DNAAF11: variants seen among roughly 807,000 people sequenced by gnomAD.
DNAAF11 encodes the protein dynein axonemal assembly factor 11.
Under a neutral mutation model 60.8 loss-of-function variants are expected in DNAAF11, and 45 were observed. The ratio of observed to expected loss-of-function variants is 0.74; its 90% CI spans 0.58 to 0.95. DNAAF11 has a LOEUF of 0.95. Ranked by LOEUF, DNAAF11 falls within the 40% of genes least tolerant of loss-of-function variation. The probability of loss-of-function intolerance (pLI) is 0.00; values close to 1 mark genes in which losing one functional copy is unlikely to be tolerated. For synonymous variants in DNAAF11, 191 were observed against 183.5 expected (o/e 1.04, Z -0.33); for missense variants, 546 against 546.2 (o/e 1.00, Z 0.00).
At chr8:132,678,778 T>G (rs1249468373), upstream of DNAAF11, among the ~76,000 whole-genome samples, 2 of 150,662 alleles carry the variant, frequency 1.3e-5, no homozygotes, top group Non-Finnish European at 3.0e-5. Context: ...TTATTAATAT[T>G]TATAAGAATT....
chr8:132,700,478 G>A, the DNAAF11 span, among the ~76,000 whole-genome samples: 1 of 151,088 alleles, frequency 6.6e-6, no homozygotes, highest in Admixed American at 6.6e-5. Context: ...TTGTGGCCAG[G>A]AGTTGAAGAC....
intron 10 of DNAAF11, among the ~76,000 whole-genome samples, chr8:132,590,050 C>T (rs1586498385): frequency 6.6e-6 from 1 of 152,174 alleles, no homozygotes; most frequent in South Asian, 2.1e-4. Flanking sequence ...AGGTGCTGAA[C>T]CTGTTTGTCC....
At chr8:132,586,448 C>A (rs1815903058) in intron 10 of DNAAF11, among the ~76,000 whole-genome samples, 1 of 152,186 alleles carries the variant, frequency 6.6e-6, no homozygotes, top group African/African-American at 2.4e-5. Flanking sequence ...GAGATAGGAA[C>A]ATAACCACAG....
intron 8 of DNAAF11, among the ~76,000 whole-genome samples, chr8:132,612,724 C>T (rs992939625): frequency 3.9e-5 from 6 of 152,134 alleles, no homozygotes; most frequent in African/African-American, 1.4e-4. Context: ...TCTATAGATG[C>T]TTGTTGAATA....
intron 5 of DNAAF11, 103 bp from the exon 6 acceptor site, chr8:132,625,557 T>C: frequency 1.1e-6 from 1 of 875,296 alleles, no homozygotes; most frequent in South Asian, 2.2e-5. Context: ...TGTGATCTTC[T>C]TACCTTTGAA....
chr8:132,595,251 T>C (rs114079821), intron 10 of DNAAF11, among the ~76,000 whole-genome samples: 1 of 148,936 alleles, frequency 6.7e-6, no homozygotes, highest in Non-Finnish European at 1.5e-5. Flanking sequence ...CAGAAACTTA[T>C]TGGAACCTTC....
At chr8:132,657,619 A>G (rs1378550578) in intron 2 of DNAAF11, among the ~76,000 whole-genome samples, 1 of 152,204 alleles carries the variant, frequency 6.6e-6, no homozygotes. Flanking sequence ...CTTATTTAAT[A>G]AACATGAAAG....
At chr8:132,692,147 G>A in the DNAAF11 span, among the ~76,000 whole-genome samples, 5 of 151,720 alleles carry the variant, frequency 3.3e-5, no homozygotes, top group Admixed American at 6.6e-5. Context: ...ACTGTTTTAC[G>A]GAAGTAGTGA....
intron 3 of DNAAF11, among the ~76,000 whole-genome samples, chr8:132,648,585 T>A (rs1822649459): frequency 6.6e-6 from 1 of 152,220 alleles, no homozygotes; most frequent in South Asian, 2.1e-4. Context: ...TGTGTGCAGA[T>A]GACATGATTG....
chr8:132,636,920 AAACGTCCTTTGAG>A (rs1821357195), intron 4 of DNAAF11, among the ~76,000 whole-genome samples: 1 of 152,228 alleles, frequency 6.6e-6, no homozygotes, highest in Non-Finnish European at 1.5e-5. Context: ...TCTAAGAAAC[AAACGTCCTTTGAG>A]AACTGAAAAA....
At chr8:132,693,448 AGTGTGTGTGT>A in the DNAAF11 span, among the ~76,000 whole-genome samples, 1 of 148,472 alleles carries the variant, frequency 6.7e-6, no homozygotes, top group African/African-American at 2.5e-5. Context: ...AATGTATGTG[AGTGTGTGTGT>A]GTGTGTGTGT....
Position 132,584,950 on chromosome 8 carries a change from AC to A in DNAAF11, c.1141-1172del, listed in dbSNP as rs371008373. Among the ~76,000 whole-genome samples, 603 of 152,314 alleles carry A rather than the reference AC, an allele frequency of 4.0e-3. 11 individuals carry two copies. Among genetic ancestry groups the A allele is most frequent in the African/African-American group, 0.014 (582 of 41,564 alleles). ...CATTGGGAGTCCCAATTTAGCCTTA[AC>A]ACTAAGCCACATTCTCCTATCTAAG... On this transcript the variant is annotated intron_variant, in intron 10 of 11. Transcript: ENST00000620350.
chr8:132,699,699 C>T, the DNAAF11 span, among the ~76,000 whole-genome samples: 8 of 152,004 alleles, frequency 5.3e-5, no homozygotes, highest in Non-Finnish European at 1.2e-4. Context: ...ACCCAAACAT[C>T]CACCAGTGGA....
intron 7 of DNAAF11, among the ~76,000 whole-genome samples, chr8:132,622,234 G>A (rs1019127633): frequency 5.3e-5 from 8 of 152,174 alleles, no homozygotes; most frequent in East Asian, 1.9e-4. Context: ...TAAAGTAGAT[G>A]TATAGAAGGT....
chr8:132,624,018 C>T (rs1426172773), intron 6 of DNAAF11, among the ~76,000 whole-genome samples: 6 of 152,102 alleles, frequency 3.9e-5, no homozygotes, highest in Non-Finnish European at 8.8e-5. Context: ...TTCAGCCTTA[C>T]TTTATTAGGT....
intron 3 of DNAAF11, among the ~76,000 whole-genome samples, chr8:132,649,685 AC>A (rs1424929582): frequency 7.9e-5 from 12 of 152,110 alleles, no homozygotes; most frequent in Admixed American, 7.9e-4. Context: ...AAATCAAATA[AC>A]CCCATCAACA....
chr8:132,588,579 GA>G (rs200393685), intron 10 of DNAAF11, among the ~76,000 whole-genome samples: 1,609 of 152,136 alleles, frequency 0.011, 31 homozygotes, highest in African/African-American at 0.037. Flanking sequence ...AAAATACATT[GA>G]AAAAAAGTAG....
the DNAAF11 span, among the ~76,000 whole-genome samples, chr8:132,699,476 A>C: frequency 6.6e-6 from 1 of 152,206 alleles, no homozygotes; most frequent in South Asian, 2.1e-4. Context: ...TGTCAGCTTT[A>C]GAGAGATCAC....
chr8:132,612,513 C>T (rs938810757), intron 8 of DNAAF11, among the ~76,000 whole-genome samples: 1 of 152,122 alleles, frequency 6.6e-6, no homozygotes, highest in African/African-American at 2.4e-5. Flanking sequence ...CTCACGTCTC[C>T]CCCTTTCCCT....
Sources: allele counts gnomAD v4.1 joint callset (sites outside exome capture counted in the v4.1 genomes callset), GRCh38; gene constraint gnomAD v4.1.1; transcripts MANE v1.5; gene names NCBI Gene and HGNC (gene_info 2026-07-23, HGNC 2026-07-21).